Variants in SYNE1 observed in about 807,000 individuals in gnomAD.
SYNE1 encodes spectrin repeat containing nuclear envelope protein 1.
A neutral mutation model predicts 1,111.0 loss-of-function variants in SYNE1; 616 were observed. The ratio of observed to expected loss-of-function variants is 0.55; its 90% confidence interval spans 0.52 to 0.59. SYNE1 has a LOEUF of 0.59. Ranked by LOEUF, SYNE1 falls within the 20% of genes least tolerant of loss-of-function variation. SYNE1 has a pLI of 0.00. For synonymous variants in SYNE1, 3,855 were observed against 3,825.8 expected, an observed-to-expected ratio of 1.01 and a Z score of -0.28; for missense variants, 10,006 against 10,417.0, an observed-to-expected ratio of 0.96 and a Z score of 1.72.
chr6:152,192,030 A>G (rs1199230173), intron 127 of SYNE1, among the ~76,000 whole-genome samples: 1 of 152,030 alleles, frequency 6.6e-6, no homozygotes, highest in East Asian at 1.9e-4. Context: ...CACATAGTTT[A>G]ATTTCTATGT....
At position 152,409,573 on chromosome 6, in the gene SYNE1, A is replaced by T; in HGVS notation, c.6367T>A (p.Trp2123Arg). The T allele has an allele frequency of 6.2e-7, 1 of 1,613,770 alleles. No homozygotes were observed. Among genetic ancestry groups the T allele is most frequent in the Non-Finnish European group, 8.5e-7 (1 of 1,179,950 alleles). Reference sequence around the variant, plus strand: ...TTGAATTTTACCTTGGAAAAAGCCCATTTAAGATCCTCCTGATCTTTTATG... The same window carrying T: ...TTGAATTTTACCTTGGAAAAAGCCCTTTTAAGATCCTCCTGATCTTTTATG... ...TTIKDQEDLK[W>R]AFSKHETAKN... The change falls in exon 43 of 146, where the codon TGG becomes AGG. Residue 2123 changes from tryptophan to arginine, a missense_variant. Physicochemically the swap from Trp to Arg is moderately radical, Grantham distance 101. Around this residue, in one of 7 missense-constraint regions of SYNE1, gnomAD observed 4,955 missense variants for 5,017.2 expected, o/e 0.99. Coordinates refer to ENST00000367255, the MANE Select transcript of SYNE1 (RefSeq NM_182961.4).
intron 3 of SYNE1, among the ~76,000 whole-genome samples, chr6:152,595,973 G>C (rs2099579846): frequency 6.6e-6 from 1 of 151,752 alleles, no homozygotes; most frequent in Non-Finnish European, 1.5e-5. Flanking sequence ...GATGGAGCTA[G>C]CTGCCCTGAT....
chr6:152,137,798 C>G lies in SYNE1; in HGVS notation c.25459-980G>C, dbSNP rs548276238. ...TGTAGAATAGATTCAACCACACAGA[C>G]AACATGGGTTTAAGAGACACTGTGG... On this transcript the variant is annotated intron_variant, in intron 140 of 145. Coordinates refer to ENST00000367255, the MANE Select transcript of SYNE1 (RefSeq NM_182961.4). Among the ~76,000 whole-genome samples, 28 of 152,302 alleles carry G rather than the reference C, an allele frequency of 1.8e-4. 1 individual carries two copies. In the South Asian group the frequency reaches 5.8e-3, roughly 32 times the overall value.
intron 41 of SYNE1, 64 bp from the exon 42 acceptor site, chr6:152,413,595 C>T (rs1046844688): frequency 1.3e-5 from 20 of 1,540,230 alleles, no homozygotes; most frequent in Admixed American, 1.2e-4. Context: ...ATTTCTTCTC[C>T]GTAAGTATAT....
chr6:152,191,142 TC>T (rs1465776478), intron 127 of SYNE1, among the ~76,000 whole-genome samples: 1 of 152,238 alleles, frequency 6.6e-6, no homozygotes, highest in African/African-American at 2.4e-5. Context: ...TGATGAATGA[TC>T]TTTTTAATGC....
intron 73 of SYNE1, among the ~76,000 whole-genome samples, chr6:152,344,683 A>G (rs1195559623): frequency 6.6e-6 from 1 of 152,242 alleles, no homozygotes; most frequent in Non-Finnish European, 1.5e-5. Flanking sequence ...TGCTTCTGCA[A>G]TAGAGATAGG....
intron 34 of SYNE1, 34 bp downstream of exon 34, chr6:152,433,761 C>T (rs767793172): frequency 3.1e-6 from 5 of 1,612,968 alleles, no homozygotes; most frequent in Non-Finnish European, 4.2e-6. Flanking sequence ...AAAAGCTAGA[C>T]ATGGATTATA....
intron 137 of SYNE1, 156 bp from the exon 138 acceptor site, chr6:152,143,921 G>A (rs1016106150): frequency 1.8e-6 from 2 of 1,087,450 alleles, no homozygotes; most frequent in African/African-American, 3.1e-5. Context: ...CATCGTGCCG[G>A]TGGGTTAGAC....
rs185873006 is a variant in SYNE1 at position 152,423,740 on chromosome 6, G to T, written c.5267+1641C>A. On this transcript the variant is annotated intron_variant, in intron 39 of 145. Coordinates refer to ENST00000367255, the MANE Select transcript of SYNE1 (RefSeq NM_182961.4). The stretch of plus-strand genomic sequence containing the variant: ...GAAACCTCACATCATCTACTTCTCT[G>T]GTCTCATCTGACACAGCTCTGCCCC... Among the ~76,000 whole-genome samples, 299 of 152,244 alleles carry T rather than the reference G, an allele frequency of 2.0e-3. 2 individuals are homozygous for T. The highest frequency in any genetic ancestry group is 1.2e-3 in the Non-Finnish European group (80 of 68,008).
chr6:152,165,388 C>A (rs2063446147), intron 130 of SYNE1, among the ~76,000 whole-genome samples: 1 of 152,088 alleles, frequency 6.6e-6, no homozygotes, highest in Admixed American at 6.6e-5. Flanking sequence ...ATCGCTTTTC[C>A]TTTTTGTCAT....
Position 152,122,407 on chromosome 6 carries a change from A to T in SYNE1, c.*29T>A, listed in dbSNP as rs1473096067. 1 of 1,613,972 alleles carries T rather than the reference A, an allele frequency of 6.2e-7. No individual in the cohort carries two copies. The highest frequency in any genetic ancestry group is 1.3e-5 in the African/African-American group (1 of 75,064). On this transcript the variant is annotated 3_prime_UTR_variant, in exon 146 of 146. Transcript: ENST00000367255. ...ATGACCCGATCCTCCTTATGCTACCAGCACTTCTGCAGATGGCATCTGCTT... is the reference window on the plus strand; with the variant it reads ...ATGACCCGATCCTCCTTATGCTACCTGCACTTCTGCAGATGGCATCTGCTT...
intron 137 of SYNE1, chr6:152,144,960 CTTAAA>C (rs1222027488): frequency 6.0e-6 from 1 of 166,472 alleles, no homozygotes; most frequent in Non-Finnish European, 1.3e-5. Context: ...TTTACGACCT[CTTAAA>C]TTAAAATTAC....
At chr6:152,481,697 A>C (rs1166494294) in intron 14 of SYNE1, 1 of 344,358 alleles carries the variant, frequency 2.9e-6, no homozygotes, top group Non-Finnish European at 5.8e-6. Flanking sequence ...CTATTTTCAC[A>C]CTTTTCTCTA....
Position 152,483,087 on chromosome 6 carries a change from T to C in SYNE1, c.1348A>G (p.Lys450Glu). The C allele has an allele frequency of 1.9e-6, 3 of 1,614,172 alleles. No homozygotes were observed. Among genetic ancestry groups the C allele is most frequent in the Non-Finnish European group, 1.7e-6 (2 of 1,180,016 alleles). Reference sequence around the variant, plus strand: ...GGTTTTCCAACCAGAATTTTTACCTTATGTTGCTCAAGTTTCCGTTGTATC... The same window carrying C: ...GGTTTTCCAACCAGAATTTTTACCTCATGTTGCTCAAGTTTCCGTTGTATC... ...NTIQRKLEQH[K>E]DLLQNTDAHK... is the part of the protein sequence containing the mutation. Residue 450 changes from lysine (K) to glutamate (E), a missense_variant and splice_region_variant, in exon 14 of 146, where the codon AAG becomes GAG. By Grantham distance (56) the Lys-to-Glu change is moderately conservative. This residue lies in a region of SYNE1 where 1,971 missense variants were observed against 2,084.1 expected (regional missense o/e 0.95). Transcript: ENST00000367255.
chr6:152,231,607 G>T, intron 113 of SYNE1, 40 bp from the exon 114 acceptor site: 2 of 1,595,224 alleles, frequency 1.3e-6, no homozygotes, highest in South Asian at 1.1e-5. Flanking sequence ...TACAATAAAT[G>T]TCTCATTAGT....
intron 43 of SYNE1, 150 bp downstream of exon 43, chr6:152,409,409 C>T (rs923076385): frequency 1.7e-6 from 2 of 1,188,758 alleles, no homozygotes; most frequent in African/African-American, 3.1e-5. Context: ...CCTAGAATGT[C>T]AGCATTCCTA....
At chr6:152,474,875 G>A (rs1459594046) in intron 14 of SYNE1, among the ~76,000 whole-genome samples, 1 of 151,982 alleles carries the variant, frequency 6.6e-6, no homozygotes, top group Non-Finnish European at 1.5e-5. Flanking sequence ...AATGAGGAAG[G>A]AGACAAAAAG....
At chr6:152,153,742 TAA>T (rs2060857141) in intron 133 of SYNE1, among the ~76,000 whole-genome samples, 1 of 152,200 alleles carries the variant, frequency 6.6e-6, no homozygotes, top group Non-Finnish European at 1.5e-5. Context: ...TATATAGGAA[TAA>T]AAGTGTTGTT....
At chr6:152,627,345 T>C (rs1238428511) in intron 3 of SYNE1, among the ~76,000 whole-genome samples, 1 of 152,166 alleles carries the variant, frequency 6.6e-6, no homozygotes, top group East Asian at 1.9e-4. Context: ...TCCCTGTTAG[T>C]TTTCTTCTAG....
Sources: gnomAD v4.1 joint callset for allele counts (sites outside exome capture counted in the v4.1 genomes callset) on GRCh38, gnomAD v4.1.1 for gene constraint, gnomAD v4.1.1 regional missense constraint, MANE v1.5 for transcripts, NCBI Gene and HGNC (gene_info 2026-07-23, HGNC 2026-07-21) for gene names.